ADCY2: variants seen among roughly 807,000 people sequenced by gnomAD.
ADCY2 encodes adenylate cyclase type 2.
ADCY2 carries 31 observed loss-of-function variants against 125.2 expected under a neutral mutation model. The ratio of observed to expected loss-of-function variants is 0.25; its 90% confidence interval spans 0.19 to 0.33. The LOEUF (loss-of-function observed/expected upper bound fraction) is 0.33. ADCY2 is among the 10% of genes least tolerant of loss of function. ADCY2 has a pLI of 1.00. For missense variants in ADCY2, 904 were observed against 1,418.2 expected, an observed-to-expected ratio of 0.64 and a Z score of 5.82; for synonymous variants, 512 against 548.4, an observed-to-expected ratio of 0.93 and a Z score of 0.93.
At chr5:7,661,998 G>A (rs145678318) in intron 4 of ADCY2, among the ~76,000 whole-genome samples, 103 of 152,162 alleles carry the variant, frequency 6.8e-4, no homozygotes, top group African/African-American at 2.3e-3. Flanking sequence ...TATTTTGAAA[G>A]CAAAGTCTCT....
In ADCY2 at chr5:7,828,920, A is replaced by G. The variant is rs1214412079; in HGVS notation, c.*2049A>G. 6.6e-6 allele frequency: 1 copy of G among 152,344 alleles called. No homozygotes were observed. Among genetic ancestry groups the G allele is most frequent in the Non-Finnish European group, 1.5e-5 (1 of 68,058 alleles). The allele number at this position is 152,344 out of a possible 1,614,324, so 9.4% of individuals were successfully genotyped here. On this transcript the variant is annotated 3_prime_UTR_variant, in exon 25 of 25. Transcript: ENST00000338316. The stretch of plus-strand genomic sequence containing the variant: ...GCTGGGTGGTCCACCAAGTTCTCAT[A>G]AACAGAGTCCCTCCCATTCCCCCAC...
chr5:7,724,432 T>C, intron 12 of ADCY2, 113 bp from the exon 13 acceptor site: 2 of 755,104 alleles, frequency 2.6e-6, no homozygotes, highest in Non-Finnish European at 4.4e-6. Context: ...TTTTAAATGC[T>C]GTTCGGAATG....
intron 3 of ADCY2, among the ~76,000 whole-genome samples, chr5:7,617,378 A>G (rs895360887): frequency 2.0e-5 from 3 of 152,186 alleles, no homozygotes; most frequent in Non-Finnish European, 2.9e-5. Context: ...CCTCAATCAA[A>G]CCTAACTACA....
chr5:7,428,243 A>T (rs1740459083), intron 2 of ADCY2, among the ~76,000 whole-genome samples: 1 of 152,202 alleles, frequency 6.6e-6, no homozygotes, highest in Non-Finnish European at 1.5e-5. Context: ...AGCAGGAGGG[A>T]ATCTCCAGCC....
chr5:7,582,048 A>G (rs1422499041), intron 3 of ADCY2, among the ~76,000 whole-genome samples: 1 of 152,172 alleles, frequency 6.6e-6, no homozygotes, highest in Non-Finnish European at 1.5e-5. Context: ...CACTTTTAGT[A>G]TAAAGACACG....
chr5:7,601,927 G>T (rs1269273553), intron 3 of ADCY2, among the ~76,000 whole-genome samples: 1 of 152,158 alleles, frequency 6.6e-6, no homozygotes, highest in Non-Finnish European at 1.5e-5. Context: ...CAAAATCAGG[G>T]TGTCAGCAGG....
intron 3 of ADCY2, among the ~76,000 whole-genome samples, chr5:7,528,262 C>G (rs1251871417): frequency 6.6e-6 from 1 of 152,170 alleles, no homozygotes. Flanking sequence ...ACACCTATAC[C>G]TTGGTAGAGT....
At chr5:7,444,519 T>C (rs1264249578) in intron 2 of ADCY2, among the ~76,000 whole-genome samples, 1 of 152,186 alleles carries the variant, frequency 6.6e-6, no homozygotes, top group Non-Finnish European at 1.5e-5. Context: ...GCATGTTTCA[T>C]TTCACTGTTT....
intron 4 of ADCY2, among the ~76,000 whole-genome samples, chr5:7,658,702 A>G (rs923934999): frequency 6.6e-6 from 1 of 152,134 alleles, no homozygotes; most frequent in Non-Finnish European, 1.5e-5. Flanking sequence ...AACCAATAAA[A>G]TGTGTGTGTC....
intron 2 of ADCY2, among the ~76,000 whole-genome samples, chr5:7,455,798 CTTATTA>C (rs374548041): frequency 3.5e-5 from 5 of 142,288 alleles, no homozygotes; most frequent in Admixed American, 7.1e-5. Context: ...CACATATATT[CTTATTA>C]TTATAATATA....
chr5:7,515,262 G>A (rs1744213153), intron 2 of ADCY2, among the ~76,000 whole-genome samples: 4 of 152,210 alleles, frequency 2.6e-5, no homozygotes, highest in Non-Finnish European at 1.5e-5. Context: ...CCACAAAAGA[G>A]CTTTCTTCAT....
intron 2 of ADCY2, 86 bp downstream of exon 2, chr5:7,414,856 T>A: frequency 1.7e-6 from 2 of 1,161,368 alleles, no homozygotes; most frequent in South Asian, 3.5e-5. Context: ...CCTTAAACTT[T>A]GAAGAGGAGT....
At chr5:7,807,606 A>G (rs1744794644) in intron 22 of ADCY2, among the ~76,000 whole-genome samples, 1 of 151,944 alleles carries the variant, frequency 6.6e-6, no homozygotes, top group Non-Finnish European at 1.5e-5. Context: ...TCTATCAGGG[A>G]CCTCTCCTAA....
intron 3 of ADCY2, among the ~76,000 whole-genome samples, chr5:7,549,114 G>A (rs185160751): frequency 6.6e-6 from 1 of 152,224 alleles, no homozygotes; most frequent in East Asian, 1.9e-4. Context: ...TTCTTACAAG[G>A]GACCATCAGT....
chr5:7,682,859 T>TA lies in ADCY2; in HGVS notation c.721-7831dup, dbSNP rs1259521424. 2.0e-5 allele frequency among the ~76,000 whole-genome samples: 3 copies of TA among 152,212 alleles called. No homozygotes were observed. The East Asian group carries it at 5.8e-4, about 29-fold the overall frequency. On this transcript the variant is annotated intron_variant, in intron 4 of 24. Transcript: ENST00000338316. Reference sequence around the variant, plus strand: ...AATATAGACAACAATAATTTGCATGTAGGATAACATCTGCCACGAAGTAGA... The same window carrying TA: ...AATATAGACAACAATAATTTGCATGTAAGGATAACATCTGCCACGAAGTAGA...
At chr5:7,790,225 C>T (rs1462861170) in intron 20 of ADCY2, among the ~76,000 whole-genome samples, 2 of 152,164 alleles carry the variant, frequency 1.3e-5, no homozygotes, top group East Asian at 3.9e-4. Context: ...CCACACGCCC[C>T]CTGTTTCCCC....
intron 2 of ADCY2, among the ~76,000 whole-genome samples, chr5:7,449,020 T>C (rs978835136): frequency 1.3e-5 from 2 of 152,202 alleles, no homozygotes; most frequent in African/African-American, 4.8e-5. Flanking sequence ...GGTCAAATGG[T>C]ATTTCTGCTT....
chr5:7,686,206 A>G (rs905112991), intron 4 of ADCY2, among the ~76,000 whole-genome samples: 1 of 152,164 alleles, frequency 6.6e-6, no homozygotes, highest in Non-Finnish European at 1.5e-5. Flanking sequence ...CTTTGCTTCA[A>G]TTGGATTTTC....
chr5:7,767,725 A>G (rs572657773), intron 17 of ADCY2, among the ~76,000 whole-genome samples: 1 of 152,238 alleles, frequency 6.6e-6, no homozygotes, highest in South Asian at 2.1e-4. Context: ...TCACAGCTCC[A>G]TGCACAGATA....
Sources: allele counts gnomAD v4.1 joint callset (sites outside exome capture counted in the v4.1 genomes callset), GRCh38; gene constraint gnomAD v4.1.1; transcripts MANE v1.5; gene names NCBI Gene and HGNC (gene_info 2026-07-23, HGNC 2026-07-21).